DOCK1: variants seen among roughly 807,000 people sequenced by gnomAD.
DOCK1 encodes dedicator of cytokinesis protein 1.
DOCK1 carries 138 observed loss-of-function variants against 262.7 expected under a neutral mutation model. The ratio of observed to expected loss-of-function variants is 0.53; its 90% CI spans 0.46 to 0.61. The LOEUF is 0.61. Among genes scored for constraint, DOCK1 ranks in the 20% least tolerant of loss-of-function variants. The probability of loss-of-function intolerance (pLI) is 0.00; values close to 1 mark genes in which losing one functional copy is unlikely to be tolerated. For missense variants in DOCK1, 1,908 were observed against 2,370.7 expected, an observed-to-expected ratio of 0.80 and a Z score of 4.05; for synonymous variants, 866 against 867.4, an observed-to-expected ratio of 1.00 and a Z score of 0.03.
At chr10:127,121,892 T>C (rs368850528) in intron 25 of DOCK1, among the ~76,000 whole-genome samples, 1 of 152,220 alleles carries the variant, frequency 6.6e-6, no homozygotes, top group South Asian at 2.1e-4. Flanking sequence ...ATGTGCGTAA[T>C]TGCAAGTTAA....
chr10:126,953,461 C>T (rs1403884286), intron 1 of DOCK1, among the ~76,000 whole-genome samples: 1 of 149,778 alleles, frequency 6.7e-6, no homozygotes, highest in Non-Finnish European at 1.5e-5. Context: ...GTGGTGATGG[C>T]AGTGGAGGTG....
intron 27 of DOCK1, among the ~76,000 whole-genome samples, chr10:127,227,832 G>T (rs2058699070): frequency 6.6e-6 from 1 of 152,154 alleles, no homozygotes; most frequent in East Asian, 1.9e-4. Context: ...TGACATTGGG[G>T]TTTGACACTG....
chr10:127,405,892 CAA>C (rs1273661189), intron 40 of DOCK1, among the ~76,000 whole-genome samples: 3 of 152,296 alleles, frequency 2.0e-5, no homozygotes, highest in Admixed American at 1.3e-4. Context: ...AGATTCTGAA[CAA>C]AGTCTTCCCT....
At chr10:126,955,449 A>G (rs2036654666) in intron 1 of DOCK1, among the ~76,000 whole-genome samples, 2 of 152,050 alleles carry the variant, frequency 1.3e-5, no homozygotes, top group African/African-American at 4.8e-5. Flanking sequence ...AGGCCTTTAC[A>G]TTTTCATTTT....
chr10:127,327,729 A>T (rs1214790358), intron 29 of DOCK1, among the ~76,000 whole-genome samples: 1 of 152,188 alleles, frequency 6.6e-6, no homozygotes, highest in Non-Finnish European at 1.5e-5. Context: ...CCAATTATTG[A>T]ACAGCTGGTA....
Position 127,418,470 on chromosome 10 carries a change from A to G in DOCK1, c.4621A>G (p.Asn1541Asp). ...CCTGGATGACCCCAGCCTGCCCATC[A>G]ACCCGCTCTCCATGCTCCTGAACGG... ...QHLDDPSLPI[N>D]PLSMLLNGIV... Residue 1541 changes from asparagine to aspartate, a missense_variant, in exon 45 of 52, where the codon AAC becomes GAC. By Grantham distance (23) the Asn-to-Asp change is conservative. Around this residue, in one of 9 missense-constraint regions of DOCK1, gnomAD observed 57 missense variants for 103.1 expected, o/e 0.55. Transcript: ENST00000623213. The G allele has an allele frequency of 6.2e-7, 1 of 1,614,076 alleles. No homozygotes were observed. Among genetic ancestry groups the G allele is most frequent in the Non-Finnish European group, 8.5e-7 (1 of 1,179,990 alleles).
intron 15 of DOCK1, chr10:127,025,188 C>G (rs937498252): frequency 6.5e-6 from 1 of 154,820 alleles, no homozygotes; most frequent in Admixed American, 6.4e-5. Flanking sequence ...GCAGCGTGCT[C>G]ACATCTCCAC....
At chr10:127,224,606 G>A (rs2058568124) in intron 27 of DOCK1, among the ~76,000 whole-genome samples, 1 of 151,258 alleles carries the variant, frequency 6.6e-6, no homozygotes, top group Admixed American at 6.6e-5. Flanking sequence ...TGTAGTCCCA[G>A]CTGCTTGGGA....
chr10:126,944,691 G>C (rs1319680123), intron 1 of DOCK1, among the ~76,000 whole-genome samples: 1 of 152,108 alleles, frequency 6.6e-6, no homozygotes, highest in African/African-American at 2.4e-5. Context: ...TGCAGGGCAC[G>C]TATCAGTGGC....
chr10:126,971,042 G>A (rs2038064572), intron 2 of DOCK1, among the ~76,000 whole-genome samples: 1 of 150,778 alleles, frequency 6.6e-6, no homozygotes, highest in Admixed American at 6.7e-5. Flanking sequence ...TCAAGCATGT[G>A]TAAATCTTTT....
chr10:127,373,725 C>T, intron 33 of DOCK1, 56 bp from the exon 34 acceptor site: 1 of 1,473,590 alleles, frequency 6.8e-7, no homozygotes, highest in Non-Finnish European at 9.3e-7. Context: ...ACACTCAAGT[C>T]ATAAAATGAA....
chr10:126,914,372 C>T (rs2032219310), intron 1 of DOCK1, among the ~76,000 whole-genome samples: 1 of 152,044 alleles, frequency 6.6e-6, no homozygotes, highest in African/African-American at 2.4e-5. Context: ...TTATGCCATC[C>T]TGAGTGATTT....
chr10:127,006,485 T>C (rs1565055380), intron 10 of DOCK1, among the ~76,000 whole-genome samples: 1 of 152,180 alleles, frequency 6.6e-6, no homozygotes, highest in East Asian at 1.9e-4. Context: ...GGGGAATTTT[T>C]CCCCCAAGTC....
chr10:126,941,547 G>T (rs1233321036), intron 1 of DOCK1, among the ~76,000 whole-genome samples: 2 of 152,162 alleles, frequency 1.3e-5, no homozygotes, highest in African/African-American at 4.8e-5. Context: ...ACGAGGTCAG[G>T]AGATCGAGAC....
chr10:127,091,600 T>C (rs2047539365), intron 23 of DOCK1, among the ~76,000 whole-genome samples: 1 of 152,186 alleles, frequency 6.6e-6, no homozygotes, highest in East Asian at 1.9e-4. Context: ...GAGCGTTGTT[T>C]AGAGGGAGGG....
chr10:127,374,212 C>T lies in DOCK1; in HGVS notation c.3673C>T (p.Leu1225=), dbSNP rs1267931603. ...CCGCATGAGCTGCACCGTCAATGTGCTGGTGAGTGAAAGCTTAATCACGTT... is the reference window on the plus strand; with the variant it reads ...CCGCATGAGCTGCACCGTCAATGTGTTGGTGAGTGAAAGCTTAATCACGTT... The part of the protein sequence containing the change: ...ENRMSCTVNV[L]NFYKEIEREE... Residue 1225 remains leucine, a splice_region_variant and synonymous_variant, in exon 35 of 52, where the codon CTG becomes TTG. Transcript: ENST00000623213. 3.1e-6 allele frequency: 5 copies of T among 1,605,080 alleles called. No homozygotes were observed. Among genetic ancestry groups the T allele is most frequent in the Non-Finnish European group, 4.2e-6 (5 of 1,177,040 alleles).
intron 29 of DOCK1, among the ~76,000 whole-genome samples, chr10:127,276,036 A>T (rs549174557): frequency 1.3e-5 from 2 of 152,320 alleles, no homozygotes; most frequent in East Asian, 1.9e-4. Flanking sequence ...GTCTAAAACG[A>T]TAGATTGCTT....
chr10:127,403,236 C>A, intron 39 of DOCK1, 92 bp downstream of exon 39: 1 of 1,323,468 alleles, frequency 7.6e-7, no homozygotes, highest in East Asian at 2.5e-5. Context: ...TTAGGGTTCA[C>A]CCCAGGCACT....
In DOCK1 at chr10:127,447,149, C is replaced by T. The variant is rs79757252; in HGVS notation, c.5414-245C>T. 7.1e-3 allele frequency among the ~76,000 whole-genome samples: 1,085 copies of T among 152,320 alleles called. 16 individuals are homozygous for T. Among genetic ancestry groups the T allele is most frequent in the African/African-American group, 0.025 (1,039 of 41,574 alleles). ...TACAGTGGCTCGATGCCTTGCTTCA[C>T]ACTCCAGTTTTAGTGTTCGTGTGAT... On this transcript the variant is annotated intron_variant, in intron 50 of 51. Coordinates refer to ENST00000623213, the MANE Select transcript of DOCK1 (RefSeq NM_001290223.2).
Sources: gnomAD v4.1 joint callset for allele counts (sites outside exome capture counted in the v4.1 genomes callset) on GRCh38, gnomAD v4.1.1 for gene constraint, gnomAD v4.1.1 regional missense constraint, MANE v1.5 for transcripts, NCBI Gene and HGNC (gene_info 2026-07-23, HGNC 2026-07-21) for gene names.